SEMA5A: variants seen among roughly 807,000 people sequenced by gnomAD.
The protein encoded by SEMA5A is semaphorin 5A.
SEMA5A carries 55 observed loss-of-function variants against 135.5 expected under a neutral mutation model. The ratio of observed to expected loss-of-function variants is 0.41; its 90% CI spans 0.33 to 0.51. SEMA5A has a LOEUF of 0.51. SEMA5A is among the 20% of genes least tolerant of loss of function. SEMA5A has a pLI of 0.37. For missense variants in SEMA5A, 1,290 were observed against 1,419.9 expected (o/e 0.91, Z 1.47); for synonymous variants, 580 against 546.5 (o/e 1.06, Z -0.85).
chr5:9,361,952 C>T (rs1359233172), intron 3 of SEMA5A, among the ~76,000 whole-genome samples: 1 of 152,154 alleles, frequency 6.6e-6, no homozygotes, highest in Non-Finnish European at 1.5e-5. Flanking sequence ...CGCTCTCAAA[C>T]TCGAAGATTT....
intron 12 of SEMA5A, among the ~76,000 whole-genome samples, chr5:9,139,265 G>C (rs1227216288): frequency 6.6e-6 from 1 of 152,166 alleles, no homozygotes; most frequent in Non-Finnish European, 1.5e-5. Flanking sequence ...TTAAAAGCAA[G>C]GCTGCAGTGC....
At chr5:9,240,755 G>A (rs1006927967) in intron 5 of SEMA5A, among the ~76,000 whole-genome samples, 1 of 151,948 alleles carries the variant, frequency 6.6e-6, no homozygotes, top group East Asian at 1.9e-4. Flanking sequence ...TCATTTCTCA[G>A]TGAAAATTTT....
intron 6 of SEMA5A, among the ~76,000 whole-genome samples, chr5:9,231,631 A>G (rs996053080): frequency 2.0e-5 from 3 of 152,174 alleles, no homozygotes; most frequent in African/African-American, 7.2e-5. Context: ...TCCATGGGTT[A>G]CCTGAACTTG....
At chr5:9,525,743 A>G (rs1041766562) in intron 1 of SEMA5A, among the ~76,000 whole-genome samples, 3 of 152,236 alleles carry the variant, frequency 2.0e-5, no homozygotes, top group African/African-American at 7.2e-5. Flanking sequence ...AAACTTTGAT[A>G]AGGTTTCAGA....
At chr5:9,502,852 G>C (rs758272409) in intron 1 of SEMA5A, among the ~76,000 whole-genome samples, 1 of 152,172 alleles carries the variant, frequency 6.6e-6, no homozygotes, top group Non-Finnish European at 1.5e-5. Flanking sequence ...AAGGAAGAAG[G>C]AAAGGAAAGC....
intron 21 of SEMA5A, among the ~76,000 whole-genome samples, chr5:9,049,885 C>G (rs1426054283): frequency 6.6e-6 from 1 of 152,228 alleles, no homozygotes; most frequent in African/African-American, 2.4e-5. Flanking sequence ...AAAAATTCCT[C>G]TAGCACTATA....
intron 16 of SEMA5A, 138 bp from the exon 17 acceptor site, chr5:9,066,784 A>T: frequency 1.5e-6 from 1 of 673,592 alleles, no homozygotes; most frequent in South Asian, 1.9e-5. Flanking sequence ...TACCAAACTA[A>T]AAACACATTT....
intron 11 of SEMA5A, among the ~76,000 whole-genome samples, chr5:9,174,787 C>T (rs1744115304): frequency 6.6e-6 from 1 of 152,224 alleles, no homozygotes; most frequent in Non-Finnish European, 1.5e-5. Flanking sequence ...TTCCACTTTG[C>T]ACCAGTAAAT....
chr5:9,356,382 G>C (rs1275777359), intron 3 of SEMA5A, among the ~76,000 whole-genome samples: 3 of 152,240 alleles, frequency 2.0e-5, no homozygotes, highest in African/African-American at 4.8e-5. Context: ...TCAGGGAATG[G>C]AATGTAACAG....
chr5:9,068,724 C>T (rs1236279199), intron 16 of SEMA5A, among the ~76,000 whole-genome samples: 2 of 152,204 alleles, frequency 1.3e-5, no homozygotes, highest in East Asian at 1.9e-4. Context: ...GATTCCTAAG[C>T]TCTCTGAGGG....
intron 1 of SEMA5A, among the ~76,000 whole-genome samples, chr5:9,471,169 C>G (rs939045737): frequency 6.6e-6 from 1 of 152,064 alleles, no homozygotes; most frequent in African/African-American, 2.4e-5. Flanking sequence ...ACCCAATTCC[C>G]TTCACATCCG....
intron 16 of SEMA5A, among the ~76,000 whole-genome samples, chr5:9,089,032 C>A (rs1009630140): frequency 6.6e-6 from 1 of 152,174 alleles, no homozygotes; most frequent in Non-Finnish European, 1.5e-5. Flanking sequence ...ACTACTCCTT[C>A]TTTGTGCTAC....
intron 5 of SEMA5A, among the ~76,000 whole-genome samples, chr5:9,267,258 A>G (rs1351969724): frequency 6.6e-6 from 1 of 152,090 alleles, no homozygotes; most frequent in Non-Finnish European, 1.5e-5. Flanking sequence ...CTGGGTTTGG[A>G]AAAACTCACA....
At chr5:9,293,716 G>C (rs549257191) in intron 5 of SEMA5A, among the ~76,000 whole-genome samples, 1 of 152,042 alleles carries the variant, frequency 6.6e-6, no homozygotes, top group South Asian at 2.1e-4. Flanking sequence ...ATCAATTATT[G>C]ATCTGCCATA....
chr5:9,223,690 T>A, intron 8 of SEMA5A, among the ~76,000 whole-genome samples: 1 of 152,186 alleles, frequency 6.6e-6, no homozygotes, highest in East Asian at 1.9e-4. Context: ...GTACAAACTA[T>A]CAAATAAATG....
At chr5:9,458,196 C>T (rs569618115) in intron 1 of SEMA5A, among the ~76,000 whole-genome samples, 4 of 151,374 alleles carry the variant, frequency 2.6e-5, no homozygotes, top group East Asian at 4.0e-4. Flanking sequence ...CGTGAGCCAC[C>T]GCGCCTGGCC....
intron 5 of SEMA5A, among the ~76,000 whole-genome samples, chr5:9,317,637 T>C (rs1430329192): frequency 6.6e-6 from 1 of 152,210 alleles, no homozygotes; most frequent in African/African-American, 2.4e-5. Context: ...CTCTAGCACA[T>C]GAGAGTGAGA....
intron 11 of SEMA5A, among the ~76,000 whole-genome samples, chr5:9,184,121 G>A (rs1045616729): frequency 1.3e-5 from 2 of 150,354 alleles, no homozygotes; most frequent in Non-Finnish European, 3.0e-5. Flanking sequence ...GTGAGTGTCT[G>A]TTTTTTTTTA....
At chr5:9,145,290 C>T (rs1192437583) in intron 12 of SEMA5A, among the ~76,000 whole-genome samples, 1 of 152,192 alleles carries the variant, frequency 6.6e-6, no homozygotes, top group Admixed American at 6.5e-5. Context: ...TAACACACTC[C>T]TATGGAAACA....
Sources: gnomAD v4.1 joint callset for allele counts (sites outside exome capture counted in the v4.1 genomes callset) on GRCh38, gnomAD v4.1.1 for gene constraint, MANE v1.5 for transcripts, NCBI Gene and HGNC (gene_info 2026-07-23, HGNC 2026-07-21) for gene names.